ANKRD18A: variants seen among roughly 807,000 people sequenced by gnomAD.
ANKRD18A encodes the protein ankyrin repeat domain 18A.
ANKRD18A carries 72 observed loss-of-function variants against 110.6 expected under a neutral mutation model. That is an observed-to-expected ratio of 0.65 (90% CI 0.54 to 0.79). The LOEUF (loss-of-function observed/expected upper bound fraction) is 0.79. Among genes scored for constraint, ANKRD18A ranks in the 30% least tolerant of loss-of-function variants. The probability of loss-of-function intolerance (pLI) is 0.00; values close to 1 mark genes in which losing one functional copy is unlikely to be tolerated. For missense variants in ANKRD18A, 934 were observed against 1,163.3 expected (o/e 0.80, Z 2.87); for synonymous variants, 305 against 410.3 (o/e 0.74, Z 3.10).
At chr9:38,611,173 G>C (rs1825603831) in intron 4 of ANKRD18A, 42 bp downstream of exon 4, 4 of 1,520,040 alleles carry the variant, frequency 2.6e-6, no homozygotes, top group Non-Finnish European at 3.5e-6. Flanking sequence ...GAACACTCAG[G>C]TTTTTAGGAA....
At chr9:38,613,165 G>A (rs1449167651) in intron 3 of ANKRD18A, among the ~76,000 whole-genome samples, 1 of 151,810 alleles carries the variant, frequency 6.6e-6, no homozygotes, top group African/African-American at 2.4e-5. Flanking sequence ...AAGTACTCAG[G>A]TGGGCACAGT....
chr9:38,601,736 A>C (rs1245947215), intron 7 of ANKRD18A, among the ~76,000 whole-genome samples: 1 of 152,096 alleles, frequency 6.6e-6, no homozygotes, highest in Non-Finnish European at 1.5e-5. Context: ...CACACCTGTA[A>C]TCCCAGCACT....
Position 38,575,561 on chromosome 9 carries a change from T to C in ANKRD18A, c.2879A>G (p.Asn960Ser), listed in dbSNP as rs1313506438. The change falls in exon 15 of 16, where the codon AAC becomes AGC. Residue 960 changes from asparagine to serine, a missense_variant. Transcript: ENST00000399703. The stretch of plus-strand genomic sequence containing the variant: ...GGCCGTTTTGGGAATATATTTTCTG[T>C]TGAGTTCTATACTATTAAGATTTTC... The part of the protein sequence containing the change: ...CVENLNSIEL[N>S]RKYIPKTAIR... 1 of 1,551,580 alleles carries C rather than the reference T, an allele frequency of 6.4e-7. No homozygotes were observed. The highest frequency in any genetic ancestry group is 1.2e-5 in the South Asian group (1 of 84,048).
downstream of ANKRD18A, chr9:38,570,978 C>T (rs1587475217): frequency 1.2e-6 from 1 of 867,666 alleles, no homozygotes; most frequent in Non-Finnish European, 1.6e-6. Context: ...CTGGGTCTCC[C>T]AGGGCCCTTC....
intron 1 of ANKRD18A, among the ~76,000 whole-genome samples, chr9:38,619,733 G>C (rs1826005846): frequency 6.6e-6 from 1 of 152,162 alleles, no homozygotes; most frequent in Non-Finnish European, 1.5e-5. Flanking sequence ...GGTGGATTCG[G>C]ATGTAAAACC....
At chr9:38,607,242 AC>A (rs1825402214) in intron 6 of ANKRD18A, among the ~76,000 whole-genome samples, 183 bp downstream of exon 6, 2 of 152,162 alleles carry the variant, frequency 1.3e-5, no homozygotes, top group South Asian at 4.1e-4. Flanking sequence ...TTTTTAGTAG[AC>A]ATGGGGTTTC....
chr9:38,620,456 G>T lies in ANKRD18A; in HGVS notation c.-171C>A. ...GATCCACCCCCAAACCCGCAATGTAGCTCAGAATCCGCGATCCAGCCCGGT... is the reference window on the plus strand; with the variant it reads ...GATCCACCCCCAAACCCGCAATGTATCTCAGAATCCGCGATCCAGCCCGGT... On this transcript the variant is annotated 5_prime_UTR_variant, in exon 1 of 16. Transcript: ENST00000399703. The T allele has an allele frequency of 7.1e-7, 1 of 1,416,056 alleles. No individual in the cohort carries two copies. Among genetic ancestry groups the T allele is most frequent in the Non-Finnish European group, 9.3e-7 (1 of 1,080,900 alleles). 87.7% of individuals were successfully genotyped at this position (1,416,056 alleles called of 1,614,324 possible).
chr9:38,595,626 T>C lies in ANKRD18A; in HGVS notation c.1714A>G (p.Ile572Val). 2 of 1,551,136 alleles carry C rather than the reference T, an allele frequency of 1.3e-6. No homozygotes were observed. Among genetic ancestry groups the C allele is most frequent in the East Asian group, 2.4e-5 (1 of 40,908 alleles). ...DARKEGDNKEIVINIHRDCLE... is the reference protein window; with the variant it reads ...DARKEGDNKEVVINIHRDCLE... The stretch of plus-strand genomic sequence containing the variant: ...CAGTCTCTGTGGATATTAATGACTA[T>C]CTCTTTATTATCGCCTTCCTTACGA... The change falls in exon 9 of 16, where the codon ATA becomes GTA. Residue 572 changes from isoleucine to valine, a missense_variant. Ile to Val is a conservative substitution (Grantham distance 29, BLOSUM62 3). Transcript: ENST00000399703.
intron 10 of ANKRD18A, among the ~76,000 whole-genome samples, chr9:38,590,802 G>T (rs1217609574): frequency 3.3e-5 from 5 of 152,058 alleles, no homozygotes; most frequent in African/African-American, 1.2e-4. Flanking sequence ...GTAGTCTCCT[G>T]CTTAGGAATT....
At chr9:38,602,714 A>G (rs1328372314) in intron 7 of ANKRD18A, among the ~76,000 whole-genome samples, 1 of 152,228 alleles carries the variant, frequency 6.6e-6, no homozygotes, top group Non-Finnish European at 1.5e-5. Context: ...TCTGCCACCC[A>G]GGCTACAGTA....
chr9:38,578,173 T>G (rs770822073), intron 12 of ANKRD18A, 25 bp from the exon 13 acceptor site: 14 of 1,524,756 alleles, frequency 9.2e-6, no homozygotes, highest in Middle Eastern at 1.7e-4. Flanking sequence ...TAATAGAGCT[T>G]GATAATGAAG....
intron 3 of ANKRD18A, among the ~76,000 whole-genome samples, chr9:38,615,326 GA>G (rs1214350402): frequency 6.6e-6 from 1 of 151,620 alleles, no homozygotes; most frequent in Non-Finnish European, 1.5e-5. Flanking sequence ...ACACTAATTA[GA>G]AAAAAAATAC....
At chr9:38,603,972 G>A (rs143341958) in intron 6 of ANKRD18A, among the ~76,000 whole-genome samples, 1,605 of 152,294 alleles carry the variant, frequency 0.011, 29 homozygotes, top group African/African-American at 0.037. Context: ...GCCTGGTTTA[G>A]GAATGAGCAT....
rs1198384275 is a variant in ANKRD18A at position 38,579,192 on chromosome 9, G to C, written c.2248-1044C>G. 2.6e-5 allele frequency among the ~76,000 whole-genome samples: 4 copies of C among 152,236 alleles called. No homozygotes were observed. In the East Asian group the frequency reaches 5.8e-4, roughly 22 times the overall value. ...AGCACCATATAGCAAAATAAACTCA[G>C]AATCGATTGAAGACTGAAATGTAAG... On this transcript the variant is annotated intron_variant, in intron 12 of 15. Coordinates refer to ENST00000399703, the MANE Select transcript of ANKRD18A (RefSeq NM_147195.4).
At chr9:38,603,275 C>T in intron 6 of ANKRD18A, 63 bp from the exon 7 acceptor site, 1 of 1,546,568 alleles carries the variant, frequency 6.5e-7, no homozygotes, top group Non-Finnish European at 8.7e-7. Context: ...TGCCTCCTTA[C>T]CTGGCAAAGT....
chr9:38,598,899 C>A (rs1380582225), intron 8 of ANKRD18A, among the ~76,000 whole-genome samples: 1 of 152,188 alleles, frequency 6.6e-6, no homozygotes, highest in Admixed American at 6.5e-5. Context: ...TTGGAGTGAG[C>A]AAACCACAAA....
In ANKRD18A at chr9:38,620,520, C is replaced by T. The variant is rs1341619320; in HGVS notation, c.-235G>A. The T allele has an allele frequency of 7.2e-7, 1 of 1,396,814 alleles. No individual in the cohort carries two copies. The highest frequency in any genetic ancestry group is 9.3e-7 in the Non-Finnish European group (1 of 1,075,522). 86.5% of individuals were successfully genotyped at this position (1,396,814 alleles called of 1,614,324 possible). A position where few individuals can be genotyped will look rare whatever the true frequency, so the allele number is the denominator to read the frequency against. Reference sequence around the variant, plus strand: ...CAGCAGCGACACTCGCAGACTCCGACCTCTCAGACCGAGTGAGCCCAGCTA... The same window carrying T: ...CAGCAGCGACACTCGCAGACTCCGATCTCTCAGACCGAGTGAGCCCAGCTA... On this transcript the variant is annotated 5_prime_UTR_variant, in exon 1 of 16. Transcript: ENST00000399703.
chr9:38,566,924 C>T (rs1587470935), downstream of ANKRD18A: 1 of 152,152 alleles, frequency 6.6e-6, no homozygotes, highest in Non-Finnish European at 1.5e-5. Flanking sequence ...GATTCAATCA[C>T]CTTAGACCAG....
downstream of ANKRD18A, among the ~76,000 whole-genome samples, chr9:38,570,062 T>C (rs1230045317): frequency 3.3e-5 from 5 of 152,130 alleles, no homozygotes; most frequent in African/African-American, 1.2e-4. Flanking sequence ...ACACATCGGC[T>C]AACTGGCCAG....
Sources: gnomAD v4.1 joint callset for allele counts (sites outside exome capture counted in the v4.1 genomes callset) on GRCh38, gnomAD v4.1.1 for gene constraint, MANE v1.5 for transcripts, NCBI Gene and HGNC (gene_info 2026-07-23, HGNC 2026-07-21) for gene names.